Variants in CCPG1 observed in about 807,000 individuals in gnomAD.
CCPG1 encodes the protein cell cycle progression 1, also known as cell cycle progression protein 1.
In CCPG1, 46 loss-of-function variants were observed where a neutral mutation model predicts 81.3. The observed-to-expected ratio is 0.57, with a 90% CI of 0.45 to 0.72. The LOEUF (loss-of-function observed/expected upper bound fraction) is 0.72, where lower values mean the gene tolerates loss of function less well. CCPG1 is among the 30% of genes least tolerant of loss of function. The pLI, the probability that CCPG1 is intolerant of heterozygous loss-of-function variation, is 0.00. For missense variants in CCPG1, 902 were observed against 937.6 expected, an observed-to-expected ratio of 0.96 and a Z score of 0.50; for synonymous variants, 330 against 305.2, an observed-to-expected ratio of 1.08 and a Z score of -0.85.
intron 6 of CCPG1, among the ~76,000 whole-genome samples, chr15:55,369,708 A>C (rs1286651497): frequency 6.6e-6 from 1 of 152,230 alleles, no homozygotes; most frequent in Non-Finnish European, 1.5e-5. Context: ...ATGTTTTATT[A>C]ATTAACTATT....
At chr15:55,387,391 T>C (rs567308041) in intron 2 of CCPG1, among the ~76,000 whole-genome samples, 1 of 152,284 alleles carries the variant, frequency 6.6e-6, no homozygotes, top group East Asian at 1.9e-4. Flanking sequence ...CACTGAAGAT[T>C]TTAAAAAGAA....
At chr15:55,374,126 G>T (rs568392885) in intron 5 of CCPG1, 13 of 1,215,962 alleles carry the variant, frequency 1.1e-5, no homozygotes, top group Non-Finnish European at 1.4e-5. Flanking sequence ...CTCAGCTCTA[G>T]AGAAGCTGGT....
At position 55,360,514 on chromosome 15, in the gene CCPG1, T is replaced by C; in HGVS notation, c.1259A>G (p.Glu420Gly). ...GKSDSPNVYT[E>G]KKEIAILRER... ...CCGTAAGATTGCTATTTCCTTTTTT[T>C]CAGTATATACATTGGGAGAATCTGA... Residue 420 changes from glutamate (E) to glycine (G), a missense_variant, in exon 8 of 9, where the codon GAA becomes GGA. Glu to Gly is a moderately conservative substitution (Grantham distance 98). Around this residue, in one of 3 missense-constraint regions of CCPG1, gnomAD observed 746 missense variants for 728.6 expected, o/e 1.02. Coordinates refer to ENST00000442196, the MANE Select transcript of CCPG1 (RefSeq NM_001204450.2). 2 of 1,614,152 alleles carry C rather than the reference T, an allele frequency of 1.2e-6. No homozygotes were observed.
intron 6 of CCPG1, among the ~76,000 whole-genome samples, chr15:55,366,308 A>AAT (rs879381036): frequency 1.5e-4 from 22 of 147,880 alleles, no homozygotes; most frequent in East Asian, 5.9e-4. Context: ...AAAAATGAAA[A>AAT]TTTTTTTTTT....
At chr15:55,374,099 A>T in intron 5 of CCPG1, 1 of 983,060 alleles carries the variant, frequency 1.0e-6, no homozygotes, top group Non-Finnish European at 1.4e-6. Flanking sequence ...GGTAAATAGT[A>T]AATGTGACTA....
chr15:55,378,246 A>T, intron 4 of CCPG1, 54 bp downstream of exon 4: 1 of 1,065,000 alleles, frequency 9.4e-7, no homozygotes, highest in African/African-American at 1.6e-5. Flanking sequence ...GGCTTTAAAT[A>T]GTATTCTAAG....
intron 3 of CCPG1, among the ~76,000 whole-genome samples, chr15:55,380,667 C>T (rs1001767863): frequency 6.6e-6 from 1 of 151,956 alleles, no homozygotes; most frequent in African/African-American, 2.4e-5. Flanking sequence ...GCATTATATA[C>T]CCTCTAACAG....
intron 1 of CCPG1, among the ~76,000 whole-genome samples, chr15:55,390,286 G>T (rs371961468): frequency 1.1e-4 from 17 of 152,190 alleles, no homozygotes; most frequent in South Asian, 6.2e-4. Context: ...GTTGGGGCAG[G>T]GGGGAAGACA....
rs180979430 is a variant in CCPG1 at position 55,396,226 on chromosome 15, T to C, written c.-9-6793A>G. 1.5e-3 allele frequency among the ~76,000 whole-genome samples: 230 copies of C among 151,940 alleles called. 2 individuals carry two copies. Among genetic ancestry groups the C allele is most frequent in the African/African-American group, 5.4e-3 (222 of 41,462 alleles). ...GCTTCCTCTCCCATTAATCTGACCA[T>C]TGGTAAATGTATAAACCCTCCCCAT... On this transcript the variant is annotated intron_variant, in intron 1 of 8. Coordinates refer to ENST00000442196, the MANE Select transcript of CCPG1 (RefSeq NM_001204450.2).
chr15:55,368,589 T>G (rs190565694), intron 6 of CCPG1, among the ~76,000 whole-genome samples: 41 of 152,288 alleles, frequency 2.7e-4, no homozygotes, highest in African/African-American at 9.9e-4. Context: ...TTTGGAATGT[T>G]GATAGTCACA....
In CCPG1 at chr15:55,365,229, A is replaced by G; in HGVS notation, c.787T>C (p.Ser263Pro). The change falls in exon 7 of 9, where the codon TCC becomes CCC. Residue 263 changes from serine (S) to proline (P), a missense_variant. Transcript: ENST00000442196. Reference protein sequence around the residue: ...DELNDMKDYLSQCQQEQESFI... With the variant: ...DELNDMKDYLPQCQQEQESFI... ...GATTCTTGTTCCTGTTGACACTGGG[A>G]AAGATAATCCTTCATATCATTCAAT... 6.6e-7 allele frequency: 1 copy of G among 1,506,858 alleles called. No homozygotes were observed. The highest frequency in any genetic ancestry group is 9.2e-7 in the Non-Finnish European group (1 of 1,089,984). The allele number at this position is 1,506,858 out of a possible 1,614,324, so 93.3% of individuals were successfully genotyped here.
chr15:55,393,845 G>A (rs973944869), intron 1 of CCPG1, among the ~76,000 whole-genome samples: 9 of 152,214 alleles, frequency 5.9e-5, no homozygotes, highest in African/African-American at 2.2e-4. Context: ...TTCACATAGG[G>A]TATACACCAA....
At chr15:55,363,582 C>T (rs1428859194) in intron 7 of CCPG1, among the ~76,000 whole-genome samples, 1 of 150,254 alleles carries the variant, frequency 6.7e-6, no homozygotes, top group African/African-American at 2.4e-5. Context: ...CCCTAAATGC[C>T]GCCAGTCTCC....
At chr15:55,359,308 A>G (rs937180362) in intron 8 of CCPG1, 1 of 1,212,860 alleles carries the variant, frequency 8.2e-7, no homozygotes, top group Non-Finnish European at 1.0e-6. Context: ...TAAGATAAAA[A>G]TTAAACCATT....
rs201859521 is a variant in CCPG1, at chr15:55,372,061, T to C, written c.455-17A>G. 1.8e-3 allele frequency: 2,945 copies of C among 1,606,298 alleles called. 5 individuals carry two copies. The highest frequency in any genetic ancestry group is 2.3e-3 in the Admixed American group (134 of 59,080). On this transcript the variant is annotated splice_polypyrimidine_tract_variant and intron_variant, in intron 5 of 8. Coordinates refer to ENST00000442196, the MANE Select transcript of CCPG1 (RefSeq NM_001204450.2). ...ATGAAAATACTATTAAGAAAAAAGT[T>C]GACATTTAGCTATTCAAAATCTTGG...
chr15:55,389,433 T>C lies in CCPG1; in HGVS notation c.-9A>G. ...CTGGAATTTTCAGACATCTTTCAGG[T>C]CTACAAATACAAAAACATATTGACT... On this transcript the variant is annotated splice_region_variant and 5_prime_UTR_variant, in exon 2 of 9. Transcript: ENST00000442196. 6.2e-7 allele frequency: 1 copy of C among 1,605,728 alleles called. No homozygotes were observed. The highest frequency in any genetic ancestry group is 8.5e-7 in the Non-Finnish European group (1 of 1,172,562).
intron 1 of CCPG1, among the ~76,000 whole-genome samples, chr15:55,393,447 T>A (rs79053936): frequency 0.17 from 25,113 of 151,778 alleles, 3,888 homozygotes; most frequent in African/African-American, 0.41. Flanking sequence ...CTCAAAAAAA[T>A]GTTTTTTTTC....
At chr15:55,364,024 G>C (rs1232187996) in intron 7 of CCPG1, among the ~76,000 whole-genome samples, 4 of 149,916 alleles carry the variant, frequency 2.7e-5, no homozygotes, top group Non-Finnish European at 4.5e-5. Flanking sequence ...GGCTGGTCTT[G>C]AACTCCTGGG....
At chr15:55,373,462 T>G (rs2056496274) in intron 5 of CCPG1, among the ~76,000 whole-genome samples, 1 of 152,180 alleles carries the variant, frequency 6.6e-6, no homozygotes, top group Admixed American at 6.5e-5. Flanking sequence ...CAGTTCACTT[T>G]CACACTTACA....
Sources: allele counts gnomAD v4.1 joint callset (sites outside exome capture counted in the v4.1 genomes callset), GRCh38; gene constraint gnomAD v4.1.1; regional missense constraint gnomAD v4.1.1; transcripts MANE v1.5; gene names NCBI Gene and HGNC (gene_info 2026-07-23, HGNC 2026-07-21).